FBXW4: variants seen among roughly 807,000 people sequenced by gnomAD.
FBXW4 encodes the protein F-box and WD repeat domain containing 4, also known as F-box/WD repeat-containing protein 4.
In FBXW4, 40 loss-of-function variants were observed where a neutral mutation model predicts 61.8. That is an observed-to-expected ratio of 0.65 (90% CI 0.50 to 0.84). The LOEUF (loss-of-function observed/expected upper bound fraction) is 0.84. Among genes scored for constraint, FBXW4 ranks in the 40% least tolerant of loss-of-function variants. FBXW4 has a pLI of 0.00. For missense variants in FBXW4, 672 were observed against 753.8 expected, an observed-to-expected ratio of 0.89 and a Z score of 1.27; for synonymous variants, 311 against 313.8, an observed-to-expected ratio of 0.99 and a Z score of 0.10.
chr10:101,658,576 A>T (rs1183268912), intron 5 of FBXW4, among the ~76,000 whole-genome samples: 1 of 152,120 alleles, frequency 6.6e-6, no homozygotes, highest in Non-Finnish European at 1.5e-5. Flanking sequence ...GAAATGAAAA[A>T]GAAAATGAGG....
At chr10:101,690,463 T>C (rs1405785904) in intron 1 of FBXW4, among the ~76,000 whole-genome samples, 1 of 152,086 alleles carries the variant, frequency 6.6e-6, no homozygotes, top group Non-Finnish European at 1.5e-5. Context: ...TTGTGTCCCT[T>C]TAAAAAAAAA....
At chr10:101,677,617 T>C (rs1264210390) in intron 1 of FBXW4, among the ~76,000 whole-genome samples, 4 of 152,088 alleles carry the variant, frequency 2.6e-5, no homozygotes, top group Admixed American at 1.3e-4. Context: ...TTTATATGCA[T>C]TTGTCAGAAA....
chr10:101,627,994 T>A, intron 5 of FBXW4: 3 of 985,400 alleles, frequency 3.0e-6, no homozygotes, highest in Non-Finnish European at 3.6e-6. Context: ...CCTGTTCGAT[T>A]TGAATCCGCG....
chr10:101,647,943 C>A (rs1020801591), intron 5 of FBXW4, among the ~76,000 whole-genome samples: 1 of 152,154 alleles, frequency 6.6e-6, no homozygotes, highest in African/African-American at 2.4e-5. Flanking sequence ...AGCCAAAGAG[C>A]TTAGACCCTG....
At chr10:101,679,849 A>T (rs868440291) in intron 1 of FBXW4, among the ~76,000 whole-genome samples, 1 of 152,146 alleles carries the variant, frequency 6.6e-6, no homozygotes, top group South Asian at 2.1e-4. Flanking sequence ...AATAGCGTAC[A>T]CTGTACCCAG....
At chr10:101,634,021 G>A (rs1360661364) in intron 5 of FBXW4, among the ~76,000 whole-genome samples, 4 of 152,076 alleles carry the variant, frequency 2.6e-5, no homozygotes, top group Non-Finnish European at 2.9e-5. Context: ...GCTGAGGCAG[G>A]AGAATCACTT....
chr10:101,639,989 T>C (rs1377333807), intron 5 of FBXW4, among the ~76,000 whole-genome samples: 1 of 152,222 alleles, frequency 6.6e-6, no homozygotes, highest in Admixed American at 6.5e-5. Context: ...AGAGCCTCTG[T>C]TCAGTAACTG....
At chr10:101,668,062 T>TG in intron 4 of FBXW4, 82 bp from the exon 5 acceptor site, 2 of 1,060,472 alleles carry the variant, frequency 1.9e-6, no homozygotes, top group East Asian at 4.8e-5. Flanking sequence ...AGGTGACTGT[T>TG]GGAGGTGGAG....
chr10:101,691,790 G>A (rs1276358448), intron 1 of FBXW4, among the ~76,000 whole-genome samples: 1 of 152,104 alleles, frequency 6.6e-6, no homozygotes, highest in African/African-American at 2.4e-5. Context: ...TCATGAGAAA[G>A]GAAGAGAATA....
intron 5 of FBXW4, among the ~76,000 whole-genome samples, chr10:101,662,728 G>C (rs2064255901): frequency 6.6e-6 from 1 of 152,162 alleles, no homozygotes; most frequent in Non-Finnish European, 1.5e-5. Context: ...ACGAGGAGCT[G>C]TGGGCGCCTC....
chr10:101,625,421 G>A (rs1242575374), intron 5 of FBXW4: 1 of 152,618 alleles, frequency 6.6e-6, no homozygotes, highest in African/African-American at 2.4e-5. Flanking sequence ...CCAGAAGCCA[G>A]GCAGCCAGGG....
At chr10:101,653,288 T>C (rs923617718) in intron 5 of FBXW4, among the ~76,000 whole-genome samples, 1 of 152,156 alleles carries the variant, frequency 6.6e-6, no homozygotes, top group Admixed American at 6.5e-5. Context: ...GTCTCTCTCC[T>C]CCAAAGAATC....
In FBXW4 at chr10:101,612,403, G is replaced by A. The variant is rs572819854; in HGVS notation, c.1376C>T (p.Pro459Leu). The part of the protein sequence containing the change: ...AGVLDVMYES[P>L]FTLLSCGYDT... ...ATAGCCACAGGACAGCAGTGTGAAAGGGGACTCATACATGACATCCAGCAC... is the reference window on the plus strand; with the variant it reads ...ATAGCCACAGGACAGCAGTGTGAAAAGGGACTCATACATGACATCCAGCAC... Residue 459 changes from proline (P) to leucine (L), a missense_variant, in exon 7 of 9, where the codon CCT becomes CTT. Pro to Leu is a moderately conservative substitution (Grantham distance 98, BLOSUM62 -3). Transcript: ENST00000331272. The A allele has an allele frequency of 1.2e-6, 2 of 1,600,852 alleles. No homozygotes were observed. Among genetic ancestry groups the A allele is most frequent in the East Asian group, 2.3e-5 (1 of 44,284 alleles).
At chr10:101,635,794 T>C (rs1336005927) in intron 5 of FBXW4, among the ~76,000 whole-genome samples, 3 of 150,432 alleles carry the variant, frequency 2.0e-5, no homozygotes, top group Admixed American at 6.6e-5. Context: ...TGAGTTATGA[T>C]TACACCACTG....
chr10:101,660,129 C>G, intron 5 of FBXW4: 1 of 985,410 alleles, frequency 1.0e-6, no homozygotes, highest in East Asian at 1.1e-4. Flanking sequence ...CCTTGAAGAG[C>G]TGAGAAAGCA....
In FBXW4 at chr10:101,611,196, G is replaced by T; in HGVS notation, c.*95C>A. 1 of 1,492,996 alleles carries T rather than the reference G, an allele frequency of 6.7e-7. No individual in the cohort carries two copies. Among genetic ancestry groups the T allele is most frequent in the Non-Finnish European group, 9.1e-7 (1 of 1,101,604 alleles). The allele number at this position is 1,492,996 out of a possible 1,614,324, so 92.5% of individuals were successfully genotyped here. A position where few individuals can be genotyped will look rare whatever the true frequency, so the allele number is the denominator to read the frequency against. On this transcript the variant is annotated 3_prime_UTR_variant, in exon 9 of 9. Transcript: ENST00000331272. The surrounding 1 kb of genome is among the most constrained non-coding windows in gnomAD (Gnocchi z 4.9). Reference sequence around the variant, plus strand: ...GGGTCACAGGCCCAGGAGCACAGTGGGGCAGTGAGGAGGAGCTATCACTGC... The same window carrying T: ...GGGTCACAGGCCCAGGAGCACAGTGTGGCAGTGAGGAGGAGCTATCACTGC...
At chr10:101,630,408 C>T (rs909092391) in intron 5 of FBXW4, among the ~76,000 whole-genome samples, 7 of 152,200 alleles carry the variant, frequency 4.6e-5, no homozygotes, top group South Asian at 2.1e-4. Context: ...GGGGGCCCCC[C>T]GATTTCCCTT....
intron 1 of FBXW4, among the ~76,000 whole-genome samples, chr10:101,693,299 T>C (rs900057272): frequency 2.6e-5 from 4 of 152,208 alleles, no homozygotes; most frequent in African/African-American, 9.6e-5. Flanking sequence ...ATATGTATGG[T>C]AATGACATGT....
chr10:101,639,030 G>C (rs1406421474), intron 5 of FBXW4, among the ~76,000 whole-genome samples: 1 of 152,336 alleles, frequency 6.6e-6, no homozygotes, highest in East Asian at 1.9e-4. Flanking sequence ...TCACAAGAAA[G>C]GAGTGCTCCA....
Sources: gnomAD v4.1 joint callset for allele counts (sites outside exome capture counted in the v4.1 genomes callset) on GRCh38, gnomAD v4.1.1 for gene constraint, Gnocchi (gnomAD v3.1) non-coding constraint, MANE v1.5 for transcripts, NCBI Gene and HGNC (gene_info 2026-07-23, HGNC 2026-07-21) for gene names.